Variants in CHRDL1 observed in about 807,000 individuals in gnomAD.
The protein encoded by CHRDL1 is chordin like 1.
A neutral mutation model predicts 40.9 loss-of-function variants in CHRDL1; 19 were observed. That is an observed-to-expected ratio of 0.46 (90% CI 0.32 to 0.68). CHRDL1 has a LOEUF of 0.68. CHRDL1 is among the 30% of genes least tolerant of loss of function. The pLI, the probability that CHRDL1 is intolerant of heterozygous loss-of-function variation, is 0.03. For synonymous variants in CHRDL1, 136 were observed against 123.4 expected (o/e 1.10, Z -0.68); for missense variants, 329 against 352.1 (o/e 0.93, Z 0.53).
chrX:110,730,376 C>CAGGTGTGA (rs1473028774), intron 4 of CHRDL1, among the ~76,000 whole-genome samples: 1 of 110,767 alleles, frequency 9.0e-6, no homozygotes, highest in African/African-American at 3.3e-5. Flanking sequence ...GGAAGACCGT[C>CAGGTGTGA]AGGTGTGATT....
At chrX:110,690,459 TA>T (rs1569462820) in intron 8 of CHRDL1, among the ~76,000 whole-genome samples, 1 of 110,643 alleles carries the variant, frequency 9.0e-6, no homozygotes, top group African/African-American at 3.3e-5. Flanking sequence ...AGAAAATTTG[TA>T]TGCCTCAAGT....
chrX:110,705,297 A>G (rs1603164176), intron 6 of CHRDL1, among the ~76,000 whole-genome samples: 2 of 87,668 alleles, frequency 2.3e-5, no homozygotes, highest in East Asian at 6.3e-4. Context: ...ATATATATAT[A>G]TATATATACA....
intron 4 of CHRDL1, among the ~76,000 whole-genome samples, chrX:110,741,600 G>C (rs2071361473): frequency 1.8e-5 from 2 of 111,285 alleles, no homozygotes; most frequent in Non-Finnish European, 3.8e-5. Context: ...CTGCCCTCTG[G>C]GGGTGGGGGT....
At chrX:110,703,837 T>C (rs2070567252) in intron 6 of CHRDL1, among the ~76,000 whole-genome samples, 1 of 111,559 alleles carries the variant, frequency 9.0e-6, no homozygotes, top group South Asian at 3.8e-4. Context: ...GGGAGTGACA[T>C]TGGCAAAGGA....
intron 9 of CHRDL1, among the ~76,000 whole-genome samples, chrX:110,685,983 G>A (rs761749109): frequency 9.4e-6 from 1 of 106,467 alleles, no homozygotes; most frequent in South Asian, 4.3e-4. Flanking sequence ...TTGCTCCCAG[G>A]CAATGATCCT....
chrX:110,752,023 G>A (rs1189383223), intron 4 of CHRDL1, among the ~76,000 whole-genome samples: 3 of 112,363 alleles, frequency 2.7e-5, no homozygotes, highest in Non-Finnish European at 5.6e-5. Context: ...GTCAGGAACA[G>A]TAAGATAAAC....
At chrX:110,694,818 C>G (rs946837801) in intron 7 of CHRDL1, among the ~76,000 whole-genome samples, 1 of 111,835 alleles carries the variant, frequency 8.9e-6, no homozygotes, top group Admixed American at 9.5e-5. Flanking sequence ...GACTTTTTTA[C>G]AGGCAGAAGT....
chrX:110,679,233 G>A, intron 11 of CHRDL1, 103 bp downstream of exon 11: 7 of 585,010 alleles, frequency 1.2e-5, no homozygotes, highest in Middle Eastern at 6.4e-4. Flanking sequence ...ATACTGAGCA[G>A]TGCTAATGTT....
chrX:110,745,006 A>G (rs762982784), intron 4 of CHRDL1, among the ~76,000 whole-genome samples: 2 of 109,430 alleles, frequency 1.8e-5, no homozygotes, highest in Admixed American at 2.0e-4. Flanking sequence ...TACATACCAC[A>G]CAATGTCACC....
At chrX:110,767,663 C>T in intron 2 of CHRDL1, among the ~76,000 whole-genome samples, 2 of 108,727 alleles carry the variant, frequency 1.8e-5, no homozygotes, top group Middle Eastern at 9.4e-3. Flanking sequence ...CTTAGGAATA[C>T]ATCTAACAAA....
At chrX:110,776,369 T>C (rs2089853114) in intron 2 of CHRDL1, among the ~76,000 whole-genome samples, 1 of 110,968 alleles carries the variant, frequency 9.0e-6, no homozygotes, top group African/African-American at 3.3e-5. Context: ...GAATTCCAGA[T>C]TGGTAGCCCT....
chrX:110,683,844 A>T (rs1460223812), intron 9 of CHRDL1, among the ~76,000 whole-genome samples: 1 of 111,405 alleles, frequency 9.0e-6, no homozygotes, highest in African/African-American at 3.3e-5. Flanking sequence ...TTCAGTGAAA[A>T]TGCTATATAA....
chrX:110,702,252 GC>G (rs762028039), intron 6 of CHRDL1, among the ~76,000 whole-genome samples: 1 of 111,245 alleles, frequency 9.0e-6, no homozygotes, highest in Non-Finnish European at 1.9e-5. Flanking sequence ...CCGTGCTGTA[GC>G]TCATGTTATT....
At chrX:110,689,851 CTATATATATCTATA>C (rs2070201494) in intron 8 of CHRDL1, among the ~76,000 whole-genome samples, 1 of 4,150 alleles carries the variant, frequency 2.4e-4, no homozygotes, top group African/African-American at 3.2e-3. Context: ...ATCTATATAT[CTATATATATCTATA>C]TATCTATATA....
chrX:110,743,575 A>G (rs1391776829), intron 4 of CHRDL1, among the ~76,000 whole-genome samples: 11 of 112,361 alleles, frequency 9.8e-5, no homozygotes, highest in Admixed American at 2.8e-4. Context: ...TGATTGATCA[A>G]TGAGAGTCAG....
chrX:110,771,518 C>A (rs756721286), intron 2 of CHRDL1, among the ~76,000 whole-genome samples: 2 of 112,224 alleles, frequency 1.8e-5, no homozygotes, highest in Non-Finnish European at 3.8e-5. Context: ...AAATTCAAGG[C>A]TAGTTCAACA....
chrX:110,692,940 A>G (rs183897632), intron 8 of CHRDL1, among the ~76,000 whole-genome samples: 24 of 112,413 alleles, frequency 2.1e-4, no homozygotes, highest in Admixed American at 5.7e-4. Context: ...ATGTTATTCA[A>G]TCATTTGGTT....
intron 6 of CHRDL1, among the ~76,000 whole-genome samples, chrX:110,705,304 T>TATATATACAC (rs1491498596): frequency 0.025 from 1,967 of 77,538 alleles, 81 homozygotes; most frequent in African/African-American, 0.11. Context: ...TATATATATA[T>TATATATACAC]ACACACACAC....
intron 2 of CHRDL1, among the ~76,000 whole-genome samples, chrX:110,783,961 T>C (rs186873651): frequency 8.9e-6 from 1 of 112,295 alleles, no homozygotes; most frequent in Non-Finnish European, 1.9e-5. Context: ...ATGTCAGTAT[T>C]ACAATAATAT....
Sources: allele counts gnomAD v4.1 joint callset (sites outside exome capture counted in the v4.1 genomes callset), GRCh38; gene constraint gnomAD v4.1.1; transcripts MANE v1.5; gene names NCBI Gene and HGNC (gene_info 2026-07-23, HGNC 2026-07-21).